Variants in LYSMD4 observed in about 807,000 individuals in gnomAD.
The protein encoded by LYSMD4 is LysM domain containing 4.
In LYSMD4, 9 loss-of-function variants were observed where a neutral mutation model predicts 6.1. The ratio of observed to expected loss-of-function variants is 1.47; its 90% CI spans 0.88 to 2.56. The LOEUF (loss-of-function observed/expected upper bound fraction) is 2.56. Ranked by LOEUF, LYSMD4 falls within the 30% of genes most tolerant of loss-of-function variation. The pLI is 0.00. For missense variants in LYSMD4, 384 were observed against 373.5 expected (o/e 1.03, Z -0.23); for synonymous variants, 143 against 148.5 (o/e 0.96, Z 0.27).
In LYSMD4 at chr15:99,731,189, ACT is replaced by A. The variant is rs567780743; in HGVS notation, c.282+527_282+528del. 5.8e-5 allele frequency: 94 copies of A among 1,612,972 alleles called. No individual in the cohort carries two copies. The African/African-American group carries it at 1.1e-3, about 18-fold the overall frequency. ...CCTACTTACTTTGCCATTGTTAATC[ACT>A]CTGAATGCTGAAAACATAATTAGAG... On this transcript the variant is annotated intron_variant, in intron 2 of 2. Coordinates refer to ENST00000684762, the MANE Select transcript of LYSMD4 (RefSeq NM_001284417.2).
upstream of LYSMD4, chr15:99,717,955 C>T (rs781425579): frequency 6.6e-6 from 1 of 152,200 alleles, no homozygotes; most frequent in Non-Finnish European, 1.5e-5. Flanking sequence ...ATGTGGTTTC[C>T]ACATATCCCT....
chr15:99,726,798 G>A (rs574120593), downstream of LYSMD4, among the ~76,000 whole-genome samples: 24 of 152,208 alleles, frequency 1.6e-4, no homozygotes, highest in Non-Finnish European at 2.5e-4. Flanking sequence ...CAAAGACACT[G>A]AAAACATAGC....
exon 1 of LYSMD4, chr15:99,717,539 C>G (rs1165839861): frequency 8.8e-6 from 1 of 114,094 alleles, no homozygotes; most frequent in African/African-American, 3.2e-5. Flanking sequence ...GGCTTGTGTC[C>G]TCATCCCGCA....
At chr15:99,717,629 C>A (rs573593867) in exon 1 of LYSMD4, 27 of 152,312 alleles carry the variant, frequency 1.8e-4, no homozygotes, top group African/African-American at 5.8e-4. Flanking sequence ...CGAGCTCTTC[C>A]CAGGCAGCCC....
chr15:99,726,335 G>GA (rs1318818389), downstream of LYSMD4, among the ~76,000 whole-genome samples: 1 of 151,874 alleles, frequency 6.6e-6, no homozygotes, highest in African/African-American at 2.4e-5. Flanking sequence ...GTAGAGAGGG[G>GA]ATTCCACCAT....
rs769090486 is a variant in LYSMD4, at chr15:99,729,524, C to T, written c.490G>A (p.Gly164Ser). ...RAGAGTGAQAGQLMGFFKGID... is the reference protein window; with the variant it reads ...RAGAGTGAQASQLMGFFKGID... ...CCCTTAAAGAAGCCCATCAGTTGGC[C>T]GGCCTGGGCACCGGTGCCCGCGCCT... Residue 164 changes from glycine to serine, a missense_variant, in exon 3 of 3, where the codon GGC becomes AGC. By Grantham distance (56) the Gly-to-Ser change is moderately conservative. Coordinates refer to ENST00000684762, the MANE Select transcript of LYSMD4 (RefSeq NM_001284417.2). 1.5e-5 allele frequency: 25 copies of T among 1,614,076 alleles called. No homozygotes were observed. Among genetic ancestry groups the T allele is most frequent in the South Asian group, 2.2e-5 (2 of 91,066 alleles).
At chr15:99,733,240 G>C (rs942549060) in intron 1 of LYSMD4, 105 bp downstream of exon 1, 2 of 377,098 alleles carry the variant, frequency 5.3e-6, no homozygotes, top group Admixed American at 4.6e-5. Flanking sequence ...GCCCGGGGAG[G>C]GGCGGCCCGC....
rs1291830328 is a variant in LYSMD4 at position 99,733,378 on chromosome 15, GGCGACTCGCGACCC to G, written c.-56_-43del. 1 of 395,212 alleles carries G rather than the reference GGCGACTCGCGACCC, an allele frequency of 2.5e-6. No individual in the cohort carries two copies. Among genetic ancestry groups the G allele is most frequent in the African/African-American group, 2.1e-5 (1 of 48,376 alleles). 24.5% of individuals were successfully genotyped at this position (395,212 alleles called of 1,614,324 possible). On this transcript the variant is annotated 5_prime_UTR_variant, in exon 1 of 3. Transcript: ENST00000684762. ...CCAGGCTCCGCCGCGACCGGCGACC[GGCGACTCGCGACCC>G]GCGACCCGCGACCCGCAGCTGCCAC...
At chr15:99,716,731 C>T (rs1186017244) in exon 1 of LYSMD4, 2 of 455,930 alleles carry the variant, frequency 4.4e-6, no homozygotes, top group Admixed American at 2.4e-5. Context: ...AAGCAGTGGG[C>T]CACGCAGTCC....
chr15:99,716,985 T>G (rs2153866615), exon 1 of LYSMD4: 1 of 284,336 alleles, frequency 3.5e-6, no homozygotes, highest in African/African-American at 2.2e-5. Context: ...ATGAATTGAG[T>G]TTTCAGAGTG....
At chr15:99,721,243 G>C (rs1465350101), upstream of LYSMD4, among the ~76,000 whole-genome samples, 1 of 152,188 alleles carries the variant, frequency 6.6e-6, no homozygotes, top group Non-Finnish European at 1.5e-5. Context: ...AAGATCTGTA[G>C]ATGATGCAAC....
At chr15:99,730,628 G>C (rs1445513371) in intron 2 of LYSMD4, among the ~76,000 whole-genome samples, 1 of 152,220 alleles carries the variant, frequency 6.6e-6, no homozygotes, top group Admixed American at 6.5e-5. Flanking sequence ...ATTTGGGGTA[G>C]GGGACATTTT....
intron 2 of LYSMD4, among the ~76,000 whole-genome samples, chr15:99,730,911 G>T (rs148300810): frequency 3.3e-5 from 5 of 152,254 alleles, no homozygotes; most frequent in African/African-American, 1.2e-4. Context: ...AAATATAATT[G>T]TCAGTACAAT....
chr15:99,720,119 C>T (rs948890651), upstream of LYSMD4, among the ~76,000 whole-genome samples: 15 of 152,138 alleles, frequency 9.9e-5, no homozygotes, highest in African/African-American at 3.4e-4. Flanking sequence ...ACTTTAGTCA[C>T]GCAAAATTTT....
At chr15:99,716,949 A>T (rs1288053924) in exon 1 of LYSMD4, 1 of 317,074 alleles carries the variant, frequency 3.2e-6, no homozygotes, top group East Asian at 7.8e-5. Flanking sequence ...GCTGAGCTAG[A>T]TGCAGCAGAA....
intron 1 of LYSMD4, 60 bp downstream of exon 1, chr15:99,733,285 C>T (rs2141150575): frequency 7.7e-6 from 3 of 388,024 alleles, no homozygotes; most frequent in Admixed American, 4.5e-5. Context: ...GTCGCCGTAC[C>T]GCCATGAGCC....
rs778818421 is a variant in LYSMD4 at position 99,732,022 on chromosome 15, G to A, written c.-8-15C>T. The stretch of plus-strand genomic sequence containing the variant: ...CATTTTCTTCACTGAAAATCAAGCC[G>A]GAGGGTTAATTCCACAGAAGACATA... On this transcript the variant is annotated splice_polypyrimidine_tract_variant and intron_variant, in intron 1 of 2. Coordinates refer to ENST00000684762, the MANE Select transcript of LYSMD4 (RefSeq NM_001284417.2). The A allele has an allele frequency of 4.6e-6, 7 of 1,536,564 alleles. No homozygotes were observed. Among genetic ancestry groups the A allele is most frequent in the South Asian group, 1.2e-5 (1 of 83,252 alleles).
rs2059460839 is a variant in LYSMD4 at position 99,733,085 on chromosome 15, G to GC, written c.-9+259dup. On this transcript the variant is annotated intron_variant, in intron 1 of 2. Transcript: ENST00000684762. ...TGACAGGAAAATGGGGAGCGGCCCG[G>GC]CCCCAGGGCTCCACGGCTCCACGGG... 8.5e-6 allele frequency: 3 copies of GC among 354,672 alleles called. No individual in the cohort carries two copies. In the East Asian group the frequency reaches 1.2e-4, roughly 15 times the overall value. The allele number at this position is 354,672 out of a possible 1,614,324, so 22.0% of individuals were successfully genotyped here.
downstream of LYSMD4, among the ~76,000 whole-genome samples, chr15:99,724,377 C>T (rs976979226): frequency 6.6e-5 from 10 of 152,252 alleles, no homozygotes; most frequent in Non-Finnish European, 1.3e-4. Context: ...TCTCCCACCT[C>T]AGCCTCCCAA....
Sources: gnomAD v4.1 joint callset for allele counts (sites outside exome capture counted in the v4.1 genomes callset) on GRCh38, gnomAD v4.1.1 for gene constraint, MANE v1.5 for transcripts, NCBI Gene and HGNC (gene_info 2026-07-23, HGNC 2026-07-21) for gene names.